Variants in CNTN6 observed in about 807,000 individuals in gnomAD.
CNTN6 encodes the protein contactin-6.
CNTN6 carries 137 observed loss-of-function variants against 122.8 expected under a neutral mutation model. The observed-to-expected ratio is 1.12, with a 90% CI of 0.97 to 1.29. The LOEUF (loss-of-function observed/expected upper bound fraction) is 1.29. Among genes scored for constraint, CNTN6 ranks in the 50% most tolerant of loss-of-function variants. The probability of loss-of-function intolerance (pLI) is 0.00; values close to 1 mark genes in which losing one functional copy is unlikely to be tolerated. For synonymous variants in CNTN6, 570 were observed against 426.0 expected, an observed-to-expected ratio of 1.34 and a Z score of -4.16; for missense variants, 1,634 against 1,223.4, an observed-to-expected ratio of 1.34 and a Z score of -5.01.
At chr3:1,179,416 C>CG (rs1158237468) in intron 2 of CNTN6, among the ~76,000 whole-genome samples, 2 of 152,040 alleles carry the variant, frequency 1.3e-5, no homozygotes, top group African/African-American at 4.8e-5. Context: ...CTTTTCAGCC[C>CG]GGGAGCGTGG....
intron 2 of CNTN6, among the ~76,000 whole-genome samples, chr3:1,172,620 CTGTGTGTGTG>C (rs3836248): frequency 0.058 from 8,739 of 150,248 alleles, 831 homozygotes; most frequent in African/African-American, 0.2. Flanking sequence ...CAATAACTCT[CTGTGTGTGTG>C]TGTGTGTGTG....
chr3:1,399,969 A>G (rs1201998778), intron 20 of CNTN6, among the ~76,000 whole-genome samples: 3 of 152,128 alleles, frequency 2.0e-5, no homozygotes, highest in Admixed American at 6.6e-5. Flanking sequence ...TGAGTGAACA[A>G]TAGTGATATC....
intron 14 of CNTN6, 105 bp downstream of exon 14, chr3:1,373,060 G>T: frequency 1.5e-6 from 1 of 667,584 alleles, no homozygotes; most frequent in Non-Finnish European, 2.6e-6. Context: ...ATGGAAGTGA[G>T]ATGTAATCAG....
chr3:1,330,034 A>T, intron 11 of CNTN6, 99 bp downstream of exon 11: 1 of 873,102 alleles, frequency 1.1e-6, no homozygotes, highest in Non-Finnish European at 1.6e-6. Context: ...CTCTTTTATG[A>T]TAAAGTCTCA....
chr3:1,219,087 A>C (rs180943253), intron 2 of CNTN6, among the ~76,000 whole-genome samples: 8 of 152,260 alleles, frequency 5.3e-5, no homozygotes, highest in Non-Finnish European at 1.0e-4. Flanking sequence ...CCGATAAAAC[A>C]GATCATCCTC....
intron 20 of CNTN6, among the ~76,000 whole-genome samples, chr3:1,396,097 T>C (rs918246435): frequency 3.3e-5 from 5 of 152,200 alleles, no homozygotes; most frequent in East Asian, 3.9e-4. Context: ...TCAAATGTCA[T>C]TGTCTCCTCT....
At chr3:1,316,667 G>C (rs1033562251) in intron 7 of CNTN6, among the ~76,000 whole-genome samples, 2 of 151,830 alleles carry the variant, frequency 1.3e-5, no homozygotes, top group Non-Finnish European at 1.5e-5. Flanking sequence ...CTAAGGATGA[G>C]AGCCACATTT....
chr3:1,333,901 C>T (rs750051672), intron 11 of CNTN6, among the ~76,000 whole-genome samples: 29 of 152,092 alleles, frequency 1.9e-4, no homozygotes, highest in Non-Finnish European at 3.5e-4. Context: ...ATGGAGTACA[C>T]GCTCAGCTCT....
At chr3:1,347,203 T>G (rs2126058667) in intron 11 of CNTN6, among the ~76,000 whole-genome samples, 1 of 152,302 alleles carries the variant, frequency 6.6e-6, no homozygotes, top group Non-Finnish European at 1.5e-5. Context: ...ATACAAACGC[T>G]ATTAATTTTT....
At chr3:1,325,531 C>G (rs1052229865) in intron 8 of CNTN6, among the ~76,000 whole-genome samples, 3 of 151,810 alleles carry the variant, frequency 2.0e-5, no homozygotes, top group Non-Finnish European at 2.9e-5. Flanking sequence ...TGGCCCTGTT[C>G]TACATTTTGC....
At chr3:1,111,840 G>A (rs1056352590) in intron 1 of CNTN6, among the ~76,000 whole-genome samples, 2 of 152,114 alleles carry the variant, frequency 1.3e-5, no homozygotes, top group African/African-American at 4.8e-5. Context: ...AAGTTGTGCC[G>A]TGCCCAGTGG....
intron 10 of CNTN6, among the ~76,000 whole-genome samples, chr3:1,328,233 T>C (rs1307207587): frequency 6.6e-6 from 1 of 151,612 alleles, no homozygotes; most frequent in African/African-American, 2.4e-5. Flanking sequence ...CAAGAGGAGG[T>C]AGAAAAATAA....
At chr3:1,145,213 G>A (rs74440223) in intron 1 of CNTN6, among the ~76,000 whole-genome samples, 3,983 of 152,260 alleles carry the variant, frequency 0.026, 155 homozygotes, top group African/African-American at 0.091. Context: ...ATCTCTTGAT[G>A]ACTTAATGGA....
At chr3:1,154,285 G>A (rs1218780456) in intron 2 of CNTN6, among the ~76,000 whole-genome samples, 1 of 152,150 alleles carries the variant, frequency 6.6e-6, no homozygotes, top group Admixed American at 6.5e-5. Flanking sequence ...TGGAATGTGA[G>A]TAATTGTGTT....
intron 1 of CNTN6, among the ~76,000 whole-genome samples, chr3:1,121,383 T>C (rs1430824206): frequency 6.6e-6 from 1 of 151,902 alleles, no homozygotes; most frequent in East Asian, 1.9e-4. Flanking sequence ...CTTTATAAGG[T>C]CTTTGTGTTA....
chr3:1,117,354 A>G (rs986028553), intron 1 of CNTN6, among the ~76,000 whole-genome samples: 1 of 150,310 alleles, frequency 6.7e-6, no homozygotes, highest in African/African-American at 2.5e-5. Context: ...AGAAACAGTA[A>G]GTCCTGTTCA....
At chr3:1,245,271 ATATACACAC>A (rs1406402646) in intron 4 of CNTN6, among the ~76,000 whole-genome samples, 1,517 of 8,254 alleles carry the variant, frequency 0.18, 343 homozygotes, top group African/African-American at 0.34. Flanking sequence ...ATATATATAT[ATATACACAC>A]ACATATATAT....
rs1309771128 is a variant in CNTN6, at chr3:1,237,709, G to C, written c.358+9716G>C. Among the ~76,000 whole-genome samples, 2 of 152,110 alleles carry C rather than the reference G, an allele frequency of 1.3e-5. 1 individual carries two copies. Among genetic ancestry groups the C allele is most frequent in the Non-Finnish European group, 2.9e-5 (2 of 67,998 alleles). On this transcript the variant is annotated intron_variant, in intron 4 of 22. Transcript: ENST00000446702. ...AGATTAACAGAAGATTTCTTAGCAG[G>C]AACCCTACAAGCTAAAAGGGATTGG...
intron 1 of CNTN6, among the ~76,000 whole-genome samples, chr3:1,140,441 T>C (rs370805409): frequency 1.2e-3 from 183 of 152,320 alleles, no homozygotes; most frequent in African/African-American, 4.3e-3. Flanking sequence ...TTTAGTTAAC[T>C]ATCACCTATA....
Sources: gnomAD v4.1 joint callset for allele counts (sites outside exome capture counted in the v4.1 genomes callset) on GRCh38, gnomAD v4.1.1 for gene constraint, MANE v1.5 for transcripts, NCBI Gene and HGNC (gene_info 2026-07-23, HGNC 2026-07-21) for gene names.